The following CCDC170 variants were observed in gnomAD, a reference collection of about 807,000 sequenced individuals.
CCDC170 encodes coiled-coil domain containing 170, also known as coiled-coil domain-containing protein 170.
Under a neutral mutation model 72.6 loss-of-function variants are expected in CCDC170, and 69 were observed. That is an observed-to-expected ratio of 0.95 (90% confidence interval 0.78 to 1.16). The LOEUF (loss-of-function observed/expected upper bound fraction) is 1.16, where lower values mean the gene tolerates loss of function less well. Ranked by LOEUF, CCDC170 falls within the 50% of genes most tolerant of loss-of-function variation. The pLI is 0.00. For missense variants in CCDC170, 852 were observed against 832.5 expected, an observed-to-expected ratio of 1.02 and a Z score of -0.29; for synonymous variants, 300 against 303.9, an observed-to-expected ratio of 0.99 and a Z score of 0.13.
intron 9 of CCDC170, among the ~76,000 whole-genome samples, chr6:151,614,629 ATTTTTT>A (rs34242496): frequency 7.4e-6 from 1 of 135,114 alleles, no homozygotes; most frequent in Non-Finnish European, 1.6e-5. Context: ...TAACTTTTGT[ATTTTTT>A]TTTTTTTTTT....
rs562391987 is a variant in CCDC170, at chr6:151,613,688, C to T, written c.1711-1755C>T. Among the ~76,000 whole-genome samples, 7 of 152,322 alleles carry T rather than the reference C, an allele frequency of 4.6e-5. No homozygotes were observed. The South Asian group carries it at 1.4e-3, about 32-fold the overall frequency. ...CCCAGTACTCTATTCTTTTTTACTG[C>T]TGAATGATATTCCATTGTATGGCTA... On this transcript the variant is annotated intron_variant, in intron 9 of 10. Transcript: ENST00000239374.
At chr6:151,533,264 C>T (rs976345275) in intron 1 of CCDC170, among the ~76,000 whole-genome samples, 4 of 151,548 alleles carry the variant, frequency 2.6e-5, no homozygotes, top group Admixed American at 2.6e-4. Context: ...CCATGTTAGC[C>T]AGGATGGTCT....
chr6:151,617,070 T>C (rs183057058), intron 10 of CCDC170, among the ~76,000 whole-genome samples: 38 of 152,262 alleles, frequency 2.5e-4, no homozygotes, highest in Admixed American at 1.1e-3. Context: ...GTGGGACTGT[T>C]TGGGTGGCAT....
intron 1 of CCDC170, among the ~76,000 whole-genome samples, chr6:151,511,196 T>G (rs945434329): frequency 6.6e-6 from 1 of 152,238 alleles, no homozygotes; most frequent in Admixed American, 6.5e-5. Flanking sequence ...AGTTTTTGTC[T>G]AGCGAGGGCT....
In CCDC170 at chr6:151,596,000, T is replaced by C. The variant is rs138056582; in HGVS notation, c.1468-335T>C. Among the ~76,000 whole-genome samples the C allele has an allele frequency of 2.4e-3, 366 of 152,312 alleles. 4 individuals carry two copies. The highest frequency in any genetic ancestry group is 8.6e-3 in the African/African-American group (356 of 41,572). ...ACAGGATTTTGTCTCTCTGTCTTATTACATTCTGCTCTGATAAACTCATCT... is the reference window on the plus strand; with the variant it reads ...ACAGGATTTTGTCTCTCTGTCTTATCACATTCTGCTCTGATAAACTCATCT... On this transcript the variant is annotated intron_variant, in intron 8 of 10. Coordinates refer to ENST00000239374, the MANE Select transcript of CCDC170 (RefSeq NM_025059.4).
intron 1 of CCDC170, among the ~76,000 whole-genome samples, chr6:151,505,034 G>C (rs970969211): frequency 5.3e-5 from 8 of 152,084 alleles, no homozygotes; most frequent in Admixed American, 6.6e-5. Flanking sequence ...TGTGTGTCAA[G>C]GCCCAAAAAG....
chr6:151,531,202 A>G (rs535940279), intron 1 of CCDC170, among the ~76,000 whole-genome samples: 225 of 152,214 alleles, frequency 1.5e-3, no homozygotes, highest in Non-Finnish European at 2.9e-3. Context: ...TGATTAGGTT[A>G]TGAGGGTGGA....
intron 5 of CCDC170, among the ~76,000 whole-genome samples, chr6:151,557,727 C>T (rs1333010252): frequency 6.6e-6 from 1 of 152,042 alleles, no homozygotes; most frequent in East Asian, 1.9e-4. Context: ...TTGTTTTTGT[C>T]TTTTTAATAA....
intron 7 of CCDC170, among the ~76,000 whole-genome samples, chr6:151,590,562 A>C (rs1487669961): frequency 6.6e-6 from 1 of 152,254 alleles, no homozygotes; most frequent in Non-Finnish European, 1.5e-5. Flanking sequence ...TTAAATGCTA[A>C]ATGCAGGTAA....
At chr6:151,544,849 T>A in intron 4 of CCDC170, 133 bp downstream of exon 4, 1 of 782,768 alleles carries the variant, frequency 1.3e-6, no homozygotes. Flanking sequence ...ATTAATTAAC[T>A]GTATGACTTG....
intron 1 of CCDC170, among the ~76,000 whole-genome samples, chr6:151,524,218 G>A (rs766354668): frequency 6.6e-6 from 1 of 152,222 alleles, no homozygotes; most frequent in African/African-American, 2.4e-5. Flanking sequence ...TTGCAGGCAT[G>A]TCTGGGCAAG....
intron 1 of CCDC170, among the ~76,000 whole-genome samples, chr6:151,523,611 A>G (rs1476588669): frequency 6.6e-6 from 1 of 151,410 alleles, no homozygotes; most frequent in Non-Finnish European, 1.5e-5. Context: ...TCTTGAACCC[A>G]GGAGGTGGAG....
At chr6:151,534,857 T>C (rs924720047) in intron 1 of CCDC170, among the ~76,000 whole-genome samples, 41 of 152,346 alleles carry the variant, frequency 2.7e-4, no homozygotes, top group African/African-American at 9.4e-4. Context: ...AAATAGATTT[T>C]ATCGCTGAGC....
At chr6:151,580,261 G>T (rs1318230619) in intron 6 of CCDC170, among the ~76,000 whole-genome samples, 1 of 152,006 alleles carries the variant, frequency 6.6e-6, no homozygotes, top group Non-Finnish European at 1.5e-5. Context: ...TATGTCATTT[G>T]TGGTATAGGA....
intron 1 of CCDC170, among the ~76,000 whole-genome samples, chr6:151,521,596 T>C (rs1010455687): frequency 1.3e-5 from 2 of 152,104 alleles, no homozygotes; most frequent in African/African-American, 4.8e-5. Context: ...ATAATGTTTA[T>C]TGAACAGACC....
chr6:151,613,981 T>A (rs1184908965), intron 9 of CCDC170, among the ~76,000 whole-genome samples: 1 of 152,254 alleles, frequency 6.6e-6, no homozygotes, highest in Admixed American at 6.5e-5. Context: ...TCTAGCTTCC[T>A]CACATCCTTG....
At chr6:151,518,050 C>T (rs954007235) in intron 1 of CCDC170, among the ~76,000 whole-genome samples, 3 of 152,092 alleles carry the variant, frequency 2.0e-5, no homozygotes, top group African/African-American at 7.2e-5. Flanking sequence ...GAAACACTAG[C>T]AAGGTGGGGC....
intron 5 of CCDC170, among the ~76,000 whole-genome samples, chr6:151,556,973 A>G (rs1370847660): frequency 6.6e-6 from 1 of 152,188 alleles, no homozygotes; most frequent in Non-Finnish European, 1.5e-5. Flanking sequence ...TATGAGTGAG[A>G]ACATGTGATA....
chr6:151,610,399 T>C (rs1776851536), intron 9 of CCDC170, among the ~76,000 whole-genome samples: 1 of 152,198 alleles, frequency 6.6e-6, no homozygotes, highest in Non-Finnish European at 1.5e-5. Flanking sequence ...GCAGGAATAG[T>C]ATAATGGATA....
Sources: gnomAD v4.1 joint callset for allele counts (sites outside exome capture counted in the v4.1 genomes callset) on GRCh38, gnomAD v4.1.1 for gene constraint, MANE v1.5 for transcripts, NCBI Gene and HGNC (gene_info 2026-07-23, HGNC 2026-07-21) for gene names.